The following MYT1L variants were observed in gnomAD, a reference collection of about 807,000 sequenced individuals.
MYT1L encodes the protein myelin transcription factor 1 like.
In MYT1L, 12 loss-of-function variants were observed where a neutral mutation model predicts 126.7. The ratio of observed to expected loss-of-function variants is 0.09; its 90% CI spans 0.06 to 0.15. The LOEUF is 0.15. Among genes scored for constraint, MYT1L ranks in the 10% least tolerant of loss-of-function variants. The probability of loss-of-function intolerance (pLI) is 1.00; values close to 1 mark genes in which losing one functional copy is unlikely to be tolerated. For missense variants in MYT1L, 979 were observed against 1,585.2 expected, an observed-to-expected ratio of 0.62 and a Z score of 6.49; for synonymous variants, 541 against 604.2, an observed-to-expected ratio of 0.90 and a Z score of 1.53.
At chr2:1,812,427 A>T (rs2036811707) in intron 21 of MYT1L, among the ~76,000 whole-genome samples, 1 of 152,210 alleles carries the variant, frequency 6.6e-6, no homozygotes, top group African/African-American at 2.4e-5. Context: ...ATAGGTGCCC[A>T]GTGACGACTT....
intron 4 of MYT1L, among the ~76,000 whole-genome samples, chr2:2,030,307 C>T (rs1053524563): frequency 2.6e-5 from 4 of 152,028 alleles, no homozygotes; most frequent in African/African-American, 7.3e-5. Flanking sequence ...ACATGTTAGC[C>T]GGGATGGTCT....
intron 2 of MYT1L, among the ~76,000 whole-genome samples, chr2:2,257,757 G>T (rs2094858326): frequency 6.7e-6 from 1 of 149,526 alleles, no homozygotes; most frequent in African/African-American, 2.6e-5. Context: ...ACAAACAAAT[G>T]GAAGAACATT....
intron 2 of MYT1L, among the ~76,000 whole-genome samples, chr2:2,183,871 G>A (rs2091816598): frequency 7.1e-6 from 1 of 140,734 alleles, no homozygotes; most frequent in Non-Finnish European, 1.5e-5. Flanking sequence ...GAAAAAGGAA[G>A]GAAGGAAGGA....
At chr2:2,114,810 A>G (rs2079979880) in intron 3 of MYT1L, among the ~76,000 whole-genome samples, 1 of 152,228 alleles carries the variant, frequency 6.6e-6, no homozygotes, top group South Asian at 2.1e-4. Context: ...AATGCAGCTC[A>G]ACTGCTGCTT....
intron 18 of MYT1L, among the ~76,000 whole-genome samples, chr2:1,872,946 C>T (rs1002146636): frequency 1.3e-5 from 2 of 151,940 alleles, no homozygotes; most frequent in African/African-American, 4.8e-5. Context: ...AAGCAACTTG[C>T]TGAGGATCAC....
At chr2:2,176,580 G>C (rs1161906455) in intron 2 of MYT1L, among the ~76,000 whole-genome samples, 1 of 151,082 alleles carries the variant, frequency 6.6e-6, no homozygotes, top group Non-Finnish European at 1.5e-5. Context: ...CTCACTGCAA[G>C]CTCCACCTCC....
At chr2:2,287,074 T>C (rs1471652304) in intron 1 of MYT1L, among the ~76,000 whole-genome samples, 1 of 152,080 alleles carries the variant, frequency 6.6e-6, no homozygotes, top group Non-Finnish European at 1.5e-5. Context: ...CTGACCAACA[T>C]GGAGAAACCC....
chr2:2,217,453 C>A (rs527470592), intron 2 of MYT1L, among the ~76,000 whole-genome samples: 3 of 151,988 alleles, frequency 2.0e-5, no homozygotes, highest in African/African-American at 7.2e-5. Flanking sequence ...GAGGCAGAGG[C>A]AGACAGATCA....
chr2:1,923,312 G>T (rs1187251628), intron 9 of MYT1L, 49 bp from the exon 10 acceptor site: 1 of 1,478,612 alleles, frequency 6.8e-7, no homozygotes, highest in Non-Finnish European at 9.1e-7. Context: ...GGAAAAAGTG[G>T]CTAGAACTGG....
In MYT1L at chr2:2,045,840, T is replaced by C. The variant is rs1241242056; in HGVS notation, c.-158+8138A>G. 2.6e-5 allele frequency among the ~76,000 whole-genome samples: 4 copies of C among 152,152 alleles called. No individual in the cohort carries two copies. The East Asian group carries it at 7.7e-4, about 29-fold the overall frequency. On this transcript the variant is annotated intron_variant, in intron 4 of 24. Coordinates refer to ENST00000647738, the MANE Select transcript of MYT1L (RefSeq NM_001303052.2). ...AACTTTCTTCTTTCCAAGGGCCTGG[T>C]GTCCCTATGTTTGCCACCAATGATA... is the stretch of plus-strand genomic sequence containing the variant.
chr2:2,236,542 C>G lies in MYT1L; in HGVS notation c.-421+47862G>C, dbSNP rs1448928849. On this transcript the variant is annotated intron_variant, in intron 2 of 24. Transcript: ENST00000647738. ...CCCAACCCAGCACATCCCAACCCAG[C>G]CCAGCACATCCCAACCCAACCCAGT... 2.8e-5 allele frequency among the ~76,000 whole-genome samples: 4 copies of G among 144,042 alleles called. No individual in the cohort carries two copies. The East Asian group carries it at 6.3e-4, about 23-fold the overall frequency. 94.5% of individuals were successfully genotyped at this position (144,042 alleles called of 152,430 possible). A position where few individuals can be genotyped will look rare whatever the true frequency, so the allele number is the denominator to read the frequency against.
intron 2 of MYT1L, among the ~76,000 whole-genome samples, chr2:2,210,935 T>C (rs781567958): frequency 6.6e-6 from 1 of 152,192 alleles, no homozygotes; most frequent in Non-Finnish European, 1.5e-5. Flanking sequence ...GTTGTAAAGA[T>C]ATTTTACTTC....
At chr2:1,953,294 G>A (rs1041767863) in intron 8 of MYT1L, among the ~76,000 whole-genome samples, 6 of 152,134 alleles carry the variant, frequency 3.9e-5, no homozygotes, top group Admixed American at 3.3e-4. Flanking sequence ...TAAACTATTT[G>A]GTCACCCCTT....
intron 5 of MYT1L, among the ~76,000 whole-genome samples, chr2:1,980,569 A>C (rs1458564713): frequency 2.0e-5 from 3 of 152,144 alleles, no homozygotes; most frequent in Non-Finnish European, 4.4e-5. Context: ...TACTTGAGAC[A>C]TTACAAATGC....
chr2:1,802,781 A>C (rs1461039113), intron 22 of MYT1L, among the ~76,000 whole-genome samples: 2 of 152,246 alleles, frequency 1.3e-5, no homozygotes, highest in Non-Finnish European at 2.9e-5. Flanking sequence ...TTGACCTCAC[A>C]CAATTGGGTG....
chr2:1,978,127 C>T (rs2060323771), intron 8 of MYT1L, among the ~76,000 whole-genome samples: 1 of 152,128 alleles, frequency 6.6e-6, no homozygotes, highest in South Asian at 2.1e-4. Context: ...GTAATTTTTC[C>T]TTTGATTTTA....
chr2:2,263,201 C>T (rs2095033077), intron 2 of MYT1L, among the ~76,000 whole-genome samples: 1 of 151,542 alleles, frequency 6.6e-6, no homozygotes, highest in Admixed American at 6.6e-5. Flanking sequence ...TTAGGATTCC[C>T]ATAAACAGTC....
chr2:1,943,028 T>C lies in MYT1L; in HGVS notation c.459A>G (p.Glu153=). The change falls in exon 9 of 25, where the codon GAA becomes GAG. Residue 153 remains glutamate, a synonymous_variant. Coordinates refer to ENST00000647738, the MANE Select transcript of MYT1L (RefSeq NM_001303052.2). The surrounding 1 kb of genome is among the most constrained non-coding windows in gnomAD (Gnocchi z 4.4). ...CCTCCTCCTCCTCCTCCTCTTCCTC[T>C]TCTTCATCCTCCACATCTTCTCCAT... The part of the protein sequence containing the change: ...DEDGEDVEDE[E]EEEEEEEEEE... 6.6e-7 allele frequency: 1 copy of C among 1,509,584 alleles called. No individual in the cohort carries two copies. Among genetic ancestry groups the C allele is most frequent in the Non-Finnish European group, 9.0e-7 (1 of 1,109,352 alleles). 93.5% of individuals were successfully genotyped at this position (1,509,584 alleles called of 1,614,324 possible).
At chr2:2,234,136 T>C (rs1011312152) in intron 2 of MYT1L, among the ~76,000 whole-genome samples, 2 of 152,244 alleles carry the variant, frequency 1.3e-5, no homozygotes, top group African/African-American at 4.8e-5. Flanking sequence ...TATTTGTCTC[T>C]TTAATGTACA....
Sources: allele counts gnomAD v4.1 joint callset (sites outside exome capture counted in the v4.1 genomes callset), GRCh38; gene constraint gnomAD v4.1.1; non-coding constraint Gnocchi (gnomAD v3.1); transcripts MANE v1.5; gene names NCBI Gene and HGNC (gene_info 2026-07-23, HGNC 2026-07-21).